Variants in TGFA observed in about 807,000 individuals in gnomAD.
TGFA encodes the protein transforming growth factor alpha.
Under a neutral mutation model 21.7 loss-of-function variants are expected in TGFA, and 12 were observed. The ratio of observed to expected loss-of-function variants is 0.55; its 90% CI spans 0.35 to 0.90. The LOEUF (loss-of-function observed/expected upper bound fraction) is 0.90, where lower values mean the gene tolerates loss of function less well. TGFA is among the 40% of genes least tolerant of loss of function. The probability of loss-of-function intolerance (pLI) is 0.01; values close to 1 mark genes in which losing one functional copy is unlikely to be tolerated. For synonymous variants in TGFA, 79 were observed against 88.1 expected (o/e 0.90, Z 0.58); for missense variants, 178 against 210.8 (o/e 0.84, Z 0.96).
chr2:70,463,563 G>C (rs1670464685), intron 3 of TGFA, among the ~76,000 whole-genome samples: 1 of 152,156 alleles, frequency 6.6e-6, no homozygotes, highest in Non-Finnish European at 1.5e-5. Context: ...CCCTGATCTG[G>C]TGGGGAGGGC....
intron 2 of TGFA, among the ~76,000 whole-genome samples, chr2:70,495,127 T>C (rs1284245919): frequency 1.3e-5 from 2 of 152,220 alleles, no homozygotes; most frequent in African/African-American, 4.8e-5. Context: ...CGTTTTTAGA[T>C]CTAGATTCTT....
chr2:70,470,543 T>C (rs1336191001), intron 2 of TGFA, among the ~76,000 whole-genome samples: 1 of 152,234 alleles, frequency 6.6e-6, no homozygotes, highest in Admixed American at 6.5e-5. Flanking sequence ...CTGTGGTGGA[T>C]GACATCCTGA....
intron 1 of TGFA, among the ~76,000 whole-genome samples, chr2:70,551,155 T>TA (rs1283658734): frequency 2.0e-5 from 3 of 152,120 alleles, no homozygotes; most frequent in African/African-American, 4.8e-5. Context: ...ACAACCCTAT[T>TA]AATATCCCCA....
chr2:70,450,659 C>A lies in TGFA; in HGVS notation c.*200G>T. The A allele has an allele frequency of 1.7e-6, 1 of 589,660 alleles. No homozygotes were observed. The highest frequency in any genetic ancestry group is 3.1e-6 in the Non-Finnish European group (1 of 326,344). 36.5% of individuals were successfully genotyped at this position (589,660 alleles called of 1,614,324 possible). On this transcript the variant is annotated 3_prime_UTR_variant, in exon 6 of 6. Transcript: ENST00000295400. ...TGAAATCGTGGTCCGCTGATTTCTTCTCTAGGTCACACTGAATAACCCCAA... is the reference window on the plus strand; with the variant it reads ...TGAAATCGTGGTCCGCTGATTTCTTATCTAGGTCACACTGAATAACCCCAA...
chr2:70,505,720 A>G (rs3755377), intron 2 of TGFA, among the ~76,000 whole-genome samples: 78,429 of 151,856 alleles, frequency 0.52, 21,729 homozygotes, highest in African/African-American at 0.73. Context: ...TTGAGCCCCC[A>G]CTACATTGTG....
intron 1 of TGFA, among the ~76,000 whole-genome samples, chr2:70,523,780 A>G (rs1426262461): frequency 6.6e-6 from 1 of 152,070 alleles, no homozygotes; most frequent in Non-Finnish European, 1.5e-5. Context: ...ATCTTTCCCT[A>G]CTTCAAGAGA....
At chr2:70,548,062 A>AT (rs11395690) in intron 1 of TGFA, among the ~76,000 whole-genome samples, 14,612 of 152,102 alleles carry the variant, frequency 0.096, 828 homozygotes, top group Middle Eastern at 0.18. Flanking sequence ...ATTATAATCT[A>AT]TTTTTTAAAA....
At chr2:70,475,021 A>G (rs1032590656) in intron 2 of TGFA, among the ~76,000 whole-genome samples, 2 of 151,644 alleles carry the variant, frequency 1.3e-5, no homozygotes, top group Non-Finnish European at 2.9e-5. Flanking sequence ...GAAAAAAGAT[A>G]GAGTCAGAGA....
chr2:70,534,188 C>T (rs972354713), intron 1 of TGFA, among the ~76,000 whole-genome samples: 2 of 152,226 alleles, frequency 1.3e-5, no homozygotes, highest in Non-Finnish European at 2.9e-5. Flanking sequence ...GCTGTTCCTT[C>T]AAGTCAGTGG....
chr2:70,544,789 G>C (rs566664081), intron 1 of TGFA, among the ~76,000 whole-genome samples: 25 of 152,260 alleles, frequency 1.6e-4, no homozygotes, highest in African/African-American at 6.0e-4. Context: ...AACTTCACAT[G>C]TTCTCACTTA....
At chr2:70,471,574 C>T (rs1321209202) in intron 2 of TGFA, among the ~76,000 whole-genome samples, 3 of 152,182 alleles carry the variant, frequency 2.0e-5, no homozygotes, top group Admixed American at 6.5e-5. Context: ...CCAGACTCAG[C>T]AAAGAACACC....
chr2:70,518,173 G>C (rs1353402038), intron 1 of TGFA, among the ~76,000 whole-genome samples: 1 of 152,216 alleles, frequency 6.6e-6, no homozygotes, highest in Non-Finnish European at 1.5e-5. Flanking sequence ...GTCCTTGCCC[G>C]CCGCAGGCCC....
chr2:70,460,751 C>T (rs1574070776), intron 3 of TGFA, among the ~76,000 whole-genome samples: 1 of 152,160 alleles, frequency 6.6e-6, no homozygotes. Context: ...CTCACAACAT[C>T]CCTTGGCTGT....
At chr2:70,519,056 C>T (rs915651580) in intron 1 of TGFA, among the ~76,000 whole-genome samples, 5 of 152,064 alleles carry the variant, frequency 3.3e-5, no homozygotes, top group African/African-American at 9.7e-5. Flanking sequence ...TGGATTCAGA[C>T]GAGGTGGTGA....
intron 1 of TGFA, among the ~76,000 whole-genome samples, chr2:70,527,990 C>T (rs550178082): frequency 2.4e-4 from 37 of 152,280 alleles, no homozygotes; most frequent in Admixed American, 2.6e-4. Context: ...CAGCCTTGTA[C>T]GGAGCACTGT....
chr2:70,511,599 A>G (rs1553500924), intron 2 of TGFA, among the ~76,000 whole-genome samples: 2 of 151,680 alleles, frequency 1.3e-5, no homozygotes, highest in African/African-American at 4.9e-5. Context: ...AAAAGGAATC[A>G]TCATTGCCTT....
chr2:70,466,474 C>T (rs1436301749), intron 2 of TGFA, among the ~76,000 whole-genome samples: 4 of 152,160 alleles, frequency 2.6e-5, no homozygotes, highest in Non-Finnish European at 5.9e-5. Flanking sequence ...TGCCACTGCA[C>T]TCTGCACTCC....
chr2:70,553,182 A>T (rs1471942903), intron 1 of TGFA: 25 of 1,535,506 alleles, frequency 1.6e-5, no homozygotes, highest in Non-Finnish European at 2.1e-5. Context: ...TCCAAAACCT[A>T]CCCCCAAAGC....
At chr2:70,511,418 G>C (rs17638303) in intron 2 of TGFA, among the ~76,000 whole-genome samples, 33,254 of 152,204 alleles carry the variant, frequency 0.22, 4,430 homozygotes, top group Non-Finnish European at 0.29. Flanking sequence ...GCACTCAGAT[G>C]TGAAAGTCAC....
Sources: gnomAD v4.1 joint callset for allele counts (sites outside exome capture counted in the v4.1 genomes callset) on GRCh38, gnomAD v4.1.1 for gene constraint, MANE v1.5 for transcripts, NCBI Gene and HGNC (gene_info 2026-07-23, HGNC 2026-07-21) for gene names.